The following PACRGL variants were observed in gnomAD, a reference collection of about 807,000 sequenced individuals.
The protein encoded by PACRGL is parkin coregulated like, also known as PACRG-like protein.
PACRGL carries 38 observed loss-of-function variants against 34.5 expected under a neutral mutation model. The ratio of observed to expected loss-of-function variants is 1.10; its 90% CI spans 0.85 to 1.44. The LOEUF is 1.44. PACRGL is among the 40% of genes most tolerant of loss of function. The pLI is 0.00. For missense variants in PACRGL, 305 were observed against 281.4 expected, an observed-to-expected ratio of 1.08 and a Z score of -0.60; for synonymous variants, 128 against 100.1, an observed-to-expected ratio of 1.28 and a Z score of -1.66.
At chr4:20,713,073 A>G in intron 6 of PACRGL, 151 bp downstream of exon 6, 2 of 811,164 alleles carry the variant, frequency 2.5e-6, no homozygotes, top group Non-Finnish European at 3.6e-6. Flanking sequence ...AGAATTAGGC[A>G]ACTGTTACTC....
At position 20,712,889 on chromosome 4, in the gene PACRGL, A is replaced by G. The variant is rs759824299; in HGVS notation, c.468A>G (p.Leu156=). 10 of 1,599,590 alleles carry G rather than the reference A, an allele frequency of 6.3e-6. No individual in the cohort carries two copies. The East Asian group carries it at 9.0e-5, about 14-fold the overall frequency. ...CTCCTGAAAAAGCTATTCCTTTGCTACCTAGACTGATTCCTGTGCTAAAGG... is the reference window on the plus strand; with the variant it reads ...CTCCTGAAAAAGCTATTCCTTTGCTGCCTAGACTGATTCCTGTGCTAAAGG... ...KGAPEKAIPL[L]PRLIPVLKAA... The change falls in exon 6 of 9, where the codon CTA becomes CTG. Residue 156 remains leucine, a synonymous_variant. Coordinates refer to ENST00000503585, the MANE Select transcript of PACRGL (RefSeq NM_001258345.3).
intron 8 of PACRGL, among the ~76,000 whole-genome samples, chr4:20,725,299 G>A (rs781066564): frequency 1.3e-5 from 2 of 151,766 alleles, no homozygotes; most frequent in South Asian, 2.1e-4. Context: ...TGACTCAGAC[G>A]TCCAGATGAT....
intron 2 of PACRGL, 32 bp downstream of exon 2, chr4:20,704,565 C>T: frequency 6.2e-7 from 1 of 1,613,328 alleles, no homozygotes; most frequent in Non-Finnish European, 8.5e-7. Context: ...GTGAAGAGGT[C>T]AAGTTTGTTC....
chr4:20,748,595 TA>T lies in PACRGL; in HGVS notation c.*57-3969del, dbSNP rs1560431214. ...ATATATATATATATATATATATATA[TA>T]TATATATATTCCATAAGTAAATATA... On this transcript the variant is annotated intron_variant, in intron 8 of 8. Transcript: ENST00000507634. 8.4e-4 allele frequency among the ~76,000 whole-genome samples: 91 copies of T among 108,320 alleles called. 1 individual carries two copies. The highest frequency in any genetic ancestry group is 5.9e-3 in the South Asian group (21 of 3,572). The allele number at this position is 108,320 out of a possible 152,430, so 71.1% of individuals were successfully genotyped here.
downstream of PACRGL, among the ~76,000 whole-genome samples, chr4:20,735,142 T>C (rs1366632515): frequency 6.6e-6 from 1 of 152,234 alleles, no homozygotes; most frequent in African/African-American, 2.4e-5. Context: ...GAAATGTGGC[T>C]GTCCATAAAA....
chr4:20,725,364 C>T (rs1428110071), intron 8 of PACRGL, among the ~76,000 whole-genome samples: 1 of 152,048 alleles, frequency 6.6e-6, no homozygotes, highest in Non-Finnish European at 1.5e-5. Flanking sequence ...CACACACACA[C>T]ACACACACAC....
At chr4:20,708,885 G>C (rs575043989) in intron 4 of PACRGL, among the ~76,000 whole-genome samples, 1 of 152,134 alleles carries the variant, frequency 6.6e-6, no homozygotes, top group East Asian at 1.9e-4. Flanking sequence ...CCAGCACTTT[G>C]GGAGGCCAAG....
upstream of PACRGL, among the ~76,000 whole-genome samples, chr4:20,696,841 C>A (rs1015279714): frequency 1.3e-5 from 2 of 152,168 alleles, no homozygotes; most frequent in Non-Finnish European, 2.9e-5. Context: ...AAAATACACA[C>A]CAACTTTTGA....
chr4:20,746,087 T>A (rs1245645181), intron 8 of PACRGL, among the ~76,000 whole-genome samples: 1 of 152,186 alleles, frequency 6.6e-6, no homozygotes, highest in East Asian at 1.9e-4. Context: ...TGTATATGTA[T>A]TGCAGCACTA....
At chr4:20,750,834 T>C (rs1404842022) in intron 8 of PACRGL, among the ~76,000 whole-genome samples, 1 of 152,242 alleles carries the variant, frequency 6.6e-6, no homozygotes, top group Non-Finnish European at 1.5e-5. Context: ...CTCTAGCCTT[T>C]TATCTTCTGT....
chr4:20,702,072 A>C (rs1304306091), intron 1 of PACRGL: 3 of 445,308 alleles, frequency 6.7e-6, no homozygotes, highest in Non-Finnish European at 1.4e-5. Context: ...CCATGTTTAA[A>C]ACTTTTTCAA....
At chr4:20,702,563 T>A (rs1732662706) in intron 1 of PACRGL, 1 of 162,888 alleles carries the variant, frequency 6.1e-6, no homozygotes, top group African/African-American at 2.4e-5. Context: ...CATATATTCT[T>A]ACTAGTCTTC....
chr4:20,735,521 T>G (rs1488953028), downstream of PACRGL, among the ~76,000 whole-genome samples: 2 of 122,674 alleles, frequency 1.6e-5, no homozygotes, highest in Non-Finnish European at 3.2e-5. Flanking sequence ...ATTTAGTGTT[T>G]TTTTTTTTGT....
chr4:20,705,048 A>G (rs922226866), intron 3 of PACRGL, among the ~76,000 whole-genome samples: 2 of 152,224 alleles, frequency 1.3e-5, no homozygotes, highest in African/African-American at 4.8e-5. Flanking sequence ...ATTGTAGTGC[A>G]TAGAAAATTG....
chr4:20,753,905 T>TTC (rs1754064870), downstream of PACRGL, among the ~76,000 whole-genome samples: 1 of 55,226 alleles, frequency 1.8e-5, no homozygotes. Context: ...TGAGCTCATT[T>TTC]GTTCATTCAT....
At chr4:20,749,627 A>G (rs772509553) in intron 8 of PACRGL, 2 of 1,441,062 alleles carry the variant, frequency 1.4e-6, no homozygotes, top group East Asian at 4.6e-5. Flanking sequence ...TAAACTCTAA[A>G]TAGTCAAATG....
intron 5 of PACRGL, among the ~76,000 whole-genome samples, chr4:20,712,512 A>C (rs1453932948): frequency 6.6e-6 from 1 of 152,114 alleles, no homozygotes; most frequent in Non-Finnish European, 1.5e-5. Context: ...GTATGTGCAC[A>C]TACTATGCTC....
chr4:20,761,267 G>T, the PACRGL span, among the ~76,000 whole-genome samples: 1 of 152,138 alleles, frequency 6.6e-6, no homozygotes, highest in Admixed American at 6.5e-5. Context: ...GCTCCACAAA[G>T]TGTGAACCAA....
chr4:20,722,767 T>A (rs1445644950), intron 7 of PACRGL, among the ~76,000 whole-genome samples: 1 of 152,154 alleles, frequency 6.6e-6, no homozygotes, highest in African/African-American at 2.4e-5. Context: ...TTCCAAGAGC[T>A]TAGAGGTTAT....
Sources: allele counts gnomAD v4.1 joint callset (sites outside exome capture counted in the v4.1 genomes callset), GRCh38; gene constraint gnomAD v4.1.1; transcripts MANE v1.5; gene names NCBI Gene and HGNC (gene_info 2026-07-23, HGNC 2026-07-21).